Variants in TPRG1 observed in about 807,000 individuals in gnomAD.
TPRG1 encodes the protein tumor protein p63-regulated gene 1 protein.
Under a neutral mutation model 29.3 loss-of-function variants are expected in TPRG1, and 29 were observed. The observed-to-expected ratio is 0.99, with a 90% confidence interval of 0.74 to 1.35. TPRG1 has a LOEUF of 1.35. Ranked by LOEUF, TPRG1 falls within the 40% of genes most tolerant of loss-of-function variation. The probability of loss-of-function intolerance (pLI) is 0.00; values close to 1 mark genes in which losing one functional copy is unlikely to be tolerated. For synonymous variants in TPRG1, 130 were observed against 116.8 expected (o/e 1.11, Z -0.73); for missense variants, 327 against 335.0 (o/e 0.98, Z 0.19).
rs67456701 is a variant in TPRG1 at position 189,304,116 on chromosome 3, G to GTTT, written c.480-6257_480-6255dup. The stretch of plus-strand genomic sequence containing the variant: ...TAAGTTATCCCTTGGGTTAACTCTT[G>GTTT]TTTTTTTTTTTTTTTGTCTAACCAG... On this transcript the variant is annotated intron_variant, in intron 4 of 5. Transcript: ENST00000345063. Among the ~76,000 whole-genome samples, 28 of 137,036 alleles carry GTTT rather than the reference G, an allele frequency of 2.0e-4. 1 individual carries two copies. The highest frequency in any genetic ancestry group is 4.2e-4 in the African/African-American group (16 of 37,730). 89.9% of individuals were successfully genotyped at this position (137,036 alleles called of 152,430 possible). A position where few individuals can be genotyped will look rare whatever the true frequency, so the allele number is the denominator to read the frequency against.
chr3:189,057,834 ATATG>A (rs1407474216), intron 4 of TPRG1, among the ~76,000 whole-genome samples: 1 of 140,064 alleles, frequency 7.1e-6, no homozygotes, highest in Admixed American at 7.2e-5. Context: ...ATATACACAC[ATATG>A]TATGTGTGTA....
At chr3:189,318,366 A>G (rs997615230) in intron 5 of TPRG1, among the ~76,000 whole-genome samples, 19 of 152,314 alleles carry the variant, frequency 1.2e-4, no homozygotes, top group African/African-American at 4.3e-4. Context: ...TAGGAAACAC[A>G]TAAGAGAAAA....
At chr3:189,242,569 C>T (rs1449607567) in intron 4 of TPRG1, among the ~76,000 whole-genome samples, 1 of 152,006 alleles carries the variant, frequency 6.6e-6, no homozygotes, top group African/African-American at 2.4e-5. Context: ...GGGTATTAGT[C>T]TGTTATTTTC....
At chr3:189,091,356 T>A (rs1718325505) in intron 4 of TPRG1, among the ~76,000 whole-genome samples, 1 of 152,186 alleles carries the variant, frequency 6.6e-6, no homozygotes, top group African/African-American at 2.4e-5. Flanking sequence ...ATTTTAAGTA[T>A]ATATTTTGAT....
intron 3 of TPRG1, among the ~76,000 whole-genome samples, chr3:189,013,231 T>G (rs778472535): frequency 6.6e-6 from 1 of 152,198 alleles, no homozygotes; most frequent in Non-Finnish European, 1.5e-5. Flanking sequence ...TTGTTCTCAC[T>G]GGTTTCAAAA....
intron 4 of TPRG1, among the ~76,000 whole-genome samples, chr3:189,067,713 G>A (rs972845416): frequency 1.3e-5 from 2 of 152,092 alleles, no homozygotes; most frequent in Non-Finnish European, 1.5e-5. Flanking sequence ...CTCAAGCTAT[G>A]AAACTACTAA....
chr3:189,194,444 C>T (rs1200642775), intron 1 of TPRG1, among the ~76,000 whole-genome samples: 1 of 152,194 alleles, frequency 6.6e-6, no homozygotes, highest in Non-Finnish European at 1.5e-5. Context: ...CTCAGTGTTA[C>T]ATGAACCTAT....
intron 4 of TPRG1, among the ~76,000 whole-genome samples, chr3:189,293,086 T>C (rs1420925167): frequency 6.6e-6 from 1 of 152,222 alleles, no homozygotes; most frequent in Non-Finnish European, 1.5e-5. Context: ...AATTGGTTTA[T>C]GTCATTCATT....
At chr3:189,033,314 C>T (rs1481775231) in intron 4 of TPRG1, among the ~76,000 whole-genome samples, 1 of 150,916 alleles carries the variant, frequency 6.6e-6, no homozygotes. Context: ...CAGGATCTCA[C>T]ACGTTCACCC....
intron 3 of TPRG1, among the ~76,000 whole-genome samples, chr3:189,228,413 G>T (rs1738124867): frequency 6.6e-6 from 1 of 151,876 alleles, no homozygotes; most frequent in South Asian, 2.1e-4. Context: ...GGTGTAAAAA[G>T]AATTATACAT....
chr3:189,100,540 GAT>G (rs1338138537), intron 1 of TPRG1, among the ~76,000 whole-genome samples: 1 of 152,166 alleles, frequency 6.6e-6, no homozygotes, highest in Non-Finnish European at 1.5e-5. Flanking sequence ...ATGGTAGTAA[GAT>G]AATATTTGCA....
intron 4 of TPRG1, among the ~76,000 whole-genome samples, chr3:189,072,224 C>A (rs55734935): frequency 6.6e-6 from 1 of 152,002 alleles, no homozygotes; most frequent in African/African-American, 2.4e-5. Flanking sequence ...TAACATTTGA[C>A]CTACAGATCA....
intron 4 of TPRG1, among the ~76,000 whole-genome samples, chr3:189,039,184 G>C (rs1281312224): frequency 6.6e-6 from 1 of 152,228 alleles, no homozygotes; most frequent in African/African-American, 2.4e-5. Flanking sequence ...GGGTAGGGAG[G>C]TGTTGCTTTA....
intron 2 of TPRG1, among the ~76,000 whole-genome samples, chr3:189,130,332 G>A (rs1483391313): frequency 6.6e-6 from 1 of 152,176 alleles, no homozygotes; most frequent in Non-Finnish European, 1.5e-5. Flanking sequence ...GAGATTATGA[G>A]GCTTCAGAGA....
At chr3:189,263,503 T>G (rs1214845816) in intron 4 of TPRG1, among the ~76,000 whole-genome samples, 1 of 152,226 alleles carries the variant, frequency 6.6e-6, no homozygotes, top group Non-Finnish European at 1.5e-5. Flanking sequence ...GCTAGAATAA[T>G]TCTGCTTTTA....
intron 4 of TPRG1, among the ~76,000 whole-genome samples, chr3:189,040,786 A>G (rs1379196674): frequency 6.6e-6 from 1 of 152,112 alleles, no homozygotes; most frequent in East Asian, 1.9e-4. Flanking sequence ...TTCTTTCCCC[A>G]TGATTTGGGC....
At chr3:189,008,181 T>C (rs1712406599) in intron 3 of TPRG1, among the ~76,000 whole-genome samples, 1 of 151,990 alleles carries the variant, frequency 6.6e-6, no homozygotes, top group Non-Finnish European at 1.5e-5. Context: ...TATCTGCATG[T>C]GTGTGAGTGG....
At chr3:189,036,799 GATGTA>G (rs1714297726) in intron 4 of TPRG1, among the ~76,000 whole-genome samples, 1 of 151,742 alleles carries the variant, frequency 6.6e-6, no homozygotes, top group South Asian at 2.1e-4. Flanking sequence ...GATAATTATA[GATGTA>G]ATGAAGATTA....
At chr3:189,236,540 G>A (rs189402873) in intron 3 of TPRG1, among the ~76,000 whole-genome samples, 1 of 152,238 alleles carries the variant, frequency 6.6e-6, no homozygotes, top group African/African-American at 2.4e-5. Flanking sequence ...ACTGTTTGGA[G>A]GTGAGTATCC....
Sources: gnomAD v4.1 joint callset for allele counts (sites outside exome capture counted in the v4.1 genomes callset) on GRCh38, gnomAD v4.1.1 for gene constraint, MANE v1.5 for transcripts, NCBI Gene and HGNC (gene_info 2026-07-23, HGNC 2026-07-21) for gene names.